Variants in ME1 observed in about 807,000 individuals in gnomAD.
The protein encoded by ME1 is malic enzyme 1, also known as NADP-dependent malic enzyme.
Under a neutral mutation model 66.4 loss-of-function variants are expected in ME1, and 74 were observed. That is an observed-to-expected ratio of 1.11 (90% CI 0.92 to 1.35). ME1 has a LOEUF of 1.35. Ranked by LOEUF, ME1 falls within the 40% of genes most tolerant of loss-of-function variation. The probability of loss-of-function intolerance (pLI) is 0.00; values close to 1 mark genes in which losing one functional copy is unlikely to be tolerated. For missense variants in ME1, 750 were observed against 694.1 expected (o/e 1.08, Z -0.90); for synonymous variants, 251 against 235.6 (o/e 1.07, Z -0.60).
intron 6 of ME1, among the ~76,000 whole-genome samples, chr6:83,303,901 C>G (rs552224552): frequency 6.6e-6 from 1 of 152,024 alleles, no homozygotes; most frequent in Non-Finnish European, 1.5e-5. Flanking sequence ...TGTGCAAGTA[C>G]TTTTATATAC....
At chr6:83,375,748 A>G (rs1184589641) in intron 3 of ME1, among the ~76,000 whole-genome samples, 2 of 152,116 alleles carry the variant, frequency 1.3e-5, no homozygotes, top group African/African-American at 4.8e-5. Flanking sequence ...AATGGCTCTT[A>G]TTATTTTGAG....
At chr6:83,321,756 C>T (rs775013314) in intron 5 of ME1, among the ~76,000 whole-genome samples, 2 of 152,234 alleles carry the variant, frequency 1.3e-5, no homozygotes, top group Non-Finnish European at 2.9e-5. Context: ...AGCCTGACAG[C>T]TCTGAAGAGA....
intron 6 of ME1, among the ~76,000 whole-genome samples, chr6:83,256,555 G>C (rs1766776281): frequency 6.6e-6 from 1 of 152,170 alleles, no homozygotes; most frequent in African/African-American, 2.4e-5. Flanking sequence ...AAGCTGCAAA[G>C]GATGTGGAGA....
intron 3 of ME1, chr6:83,392,554 T>C: frequency 1.8e-6 from 1 of 550,940 alleles, no homozygotes; most frequent in Non-Finnish European, 3.5e-6. Flanking sequence ...TGTCTACATG[T>C]TCCAGTATAA....
At position 83,353,795 on chromosome 6, in the gene ME1, T is replaced by C. The variant is rs377658085; in HGVS notation, c.363-1656A>G. Reference sequence around the variant, plus strand: ...GTTATGATCAAATGTTCCAGGTCTATTTTGAAAATGTTCTGCCCAGACCTA... The same window carrying C: ...GTTATGATCAAATGTTCCAGGTCTACTTTGAAAATGTTCTGCCCAGACCTA... On this transcript the variant is annotated intron_variant, in intron 3 of 13. Coordinates refer to ENST00000369705, the MANE Select transcript of ME1 (RefSeq NM_002395.6). 2.6e-5 allele frequency among the ~76,000 whole-genome samples: 4 copies of C among 152,170 alleles called. No individual in the cohort carries two copies. The East Asian group carries it at 7.7e-4, about 29-fold the overall frequency.
chr6:83,257,634 A>T (rs564913288), intron 6 of ME1, among the ~76,000 whole-genome samples: 69 of 152,340 alleles, frequency 4.5e-4, no homozygotes, highest in African/African-American at 1.5e-3. Flanking sequence ...CACTTTAGCT[A>T]GCTGTATTAA....
intron 3 of ME1, among the ~76,000 whole-genome samples, chr6:83,391,028 C>T (rs1216574683): frequency 2.0e-5 from 3 of 152,070 alleles, no homozygotes; most frequent in African/African-American, 7.2e-5. Context: ...CTATTATAGT[C>T]TTATAAATCC....
intron 5 of ME1, among the ~76,000 whole-genome samples, chr6:83,330,075 C>T (rs1768375211): frequency 6.6e-6 from 1 of 152,200 alleles, no homozygotes; most frequent in African/African-American, 2.4e-5. Flanking sequence ...CTCACTTCAC[C>T]TCCTAAAGTG....
chr6:83,393,183 G>A, intron 3 of ME1: 3 of 1,238,112 alleles, frequency 2.4e-6, no homozygotes, highest in Non-Finnish European at 3.6e-6. Context: ...CACCAAGAAG[G>A]TGGTGAAGCA....
At chr6:83,281,088 G>A (rs1562468067) in intron 6 of ME1, among the ~76,000 whole-genome samples, 1 of 152,074 alleles carries the variant, frequency 6.6e-6, no homozygotes, top group Non-Finnish European at 1.5e-5. Flanking sequence ...TCATATATCT[G>A]GCACATTAAA....
intron 6 of ME1, among the ~76,000 whole-genome samples, chr6:83,278,619 CT>C (rs988709141): frequency 7.6e-4 from 111 of 145,548 alleles, no homozygotes; most frequent in Admixed American, 1.9e-3. Flanking sequence ...TGACTAGAGT[CT>C]TTTTTTTTTT....
chr6:83,418,726 G>A (rs1690494388), intron 1 of ME1, among the ~76,000 whole-genome samples: 1 of 152,150 alleles, frequency 6.6e-6, no homozygotes, highest in Admixed American at 6.5e-5. Context: ...TGTCAGGTAT[G>A]ATCCATAGTC....
At chr6:83,385,395 T>G (rs1769486979) in intron 3 of ME1, among the ~76,000 whole-genome samples, 1 of 151,934 alleles carries the variant, frequency 6.6e-6, no homozygotes, top group African/African-American at 2.4e-5. Context: ...GCAATTTTTC[T>G]TAATTCTCCA....
In ME1 at chr6:83,408,003, G is replaced by A. The variant is rs143954632; in HGVS notation, c.79-102C>T. Reference sequence around the variant, plus strand: ...GACAAGTATATGCAATTAAAAATCCGAAGTCTGCGTCACTGGAAGCATGGC... The same window carrying A: ...GACAAGTATATGCAATTAAAAATCCAAAGTCTGCGTCACTGGAAGCATGGC... On this transcript the variant is annotated intron_variant, in intron 1 of 13. Transcript: ENST00000369705. The A allele has an allele frequency of 2.8e-4, 375 of 1,345,770 alleles. No individual in the cohort carries two copies. In the African/African-American group the frequency reaches 4.2e-3, roughly 15 times the overall value. 83.4% of individuals were successfully genotyped at this position (1,345,770 alleles called of 1,614,324 possible). A position where few individuals can be genotyped will look rare whatever the true frequency, so the allele number is the denominator to read the frequency against.
intron 1 of ME1, among the ~76,000 whole-genome samples, chr6:83,422,935 AT>A (rs1259495608): frequency 5.3e-5 from 8 of 152,084 alleles, no homozygotes; most frequent in Admixed American, 1.3e-4. Context: ...AAAGAAAAAA[AT>A]ATTTGGAGAA....
chr6:83,350,823 G>C (rs770770654), intron 4 of ME1, among the ~76,000 whole-genome samples: 8 of 151,848 alleles, frequency 5.3e-5, no homozygotes, highest in Non-Finnish European at 8.8e-5. Context: ...TTAGATTCCT[G>C]ATTAAAAGTA....
intron 3 of ME1, among the ~76,000 whole-genome samples, chr6:83,374,717 T>C (rs2128547643): frequency 6.6e-6 from 1 of 152,358 alleles, no homozygotes; most frequent in African/African-American, 2.4e-5. Flanking sequence ...TCTAGAGTTT[T>C]CATGGTTTTT....
rs963700578 is a variant in ME1, at chr6:83,228,704, T to C, written c.1132+122A>G. ...CTAGGTCTCTACAGGGTACTGTCGCTTGAGCGAACGTGTAGTTTTTTGAAT... is the reference window on the plus strand; with the variant it reads ...CTAGGTCTCTACAGGGTACTGTCGCCTGAGCGAACGTGTAGTTTTTTGAAT... On this transcript the variant is annotated intron_variant, in intron 10 of 13. Transcript: ENST00000369705. 5.8e-6 allele frequency: 4 copies of C among 687,226 alleles called. No individual in the cohort carries two copies. In the African/African-American group the frequency reaches 7.2e-5, roughly 12 times the overall value. 42.6% of individuals were successfully genotyped at this position (687,226 alleles called of 1,614,324 possible). A position where few individuals can be genotyped will look rare whatever the true frequency, so the allele number is the denominator to read the frequency against.
At chr6:83,399,826 G>T (rs1769808390) in intron 2 of ME1, among the ~76,000 whole-genome samples, 1 of 152,194 alleles carries the variant, frequency 6.6e-6, no homozygotes, top group South Asian at 2.1e-4. Context: ...AGAATTCTGA[G>T]TAAGAGATGC....
Sources: allele counts gnomAD v4.1 joint callset (sites outside exome capture counted in the v4.1 genomes callset), GRCh38; gene constraint gnomAD v4.1.1; transcripts MANE v1.5; gene names NCBI Gene and HGNC (gene_info 2026-07-23, HGNC 2026-07-21).